The following MSI2 variants were observed in gnomAD, a reference collection of about 807,000 sequenced individuals.
The protein encoded by MSI2 is RNA-binding protein Musashi homolog 2.
Under a neutral mutation model 45.6 loss-of-function variants are expected in MSI2, and 17 were observed. The ratio of observed to expected loss-of-function variants is 0.37; its 90% CI spans 0.26 to 0.56. The LOEUF is 0.56. Among genes scored for constraint, MSI2 ranks in the 20% least tolerant of loss-of-function variants. The pLI is 0.77. For synonymous variants in MSI2, 156 were observed against 158.2 expected (o/e 0.99, Z 0.11); for missense variants, 293 against 444.2 (o/e 0.66, Z 3.06).
At chr17:57,427,001 C>G (rs1230750102) in intron 6 of MSI2, among the ~76,000 whole-genome samples, 1 of 152,234 alleles carries the variant, frequency 6.6e-6, no homozygotes, top group Non-Finnish European at 1.5e-5. Context: ...CACTTCTTCA[C>G]CAGGCTGAAG....
intron 8 of MSI2, among the ~76,000 whole-genome samples, chr17:57,606,086 A>C (rs1906541424): frequency 6.6e-6 from 1 of 152,196 alleles, no homozygotes; most frequent in Non-Finnish European, 1.5e-5. Context: ...GATGGGACCT[A>C]CCTGGCCGAC....
intron 5 of MSI2, among the ~76,000 whole-genome samples, chr17:57,399,845 A>G (rs773981263): frequency 1.3e-5 from 2 of 152,222 alleles, no homozygotes; most frequent in Non-Finnish European, 1.5e-5. Context: ...AGTTAGACCC[A>G]GGAGCTGGAT....
chr17:57,398,112 G>A (rs117218142), intron 5 of MSI2, among the ~76,000 whole-genome samples: 4,333 of 152,308 alleles, frequency 0.028, 94 homozygotes, highest in Non-Finnish European at 0.041. Context: ...GGCAACGGTG[G>A]AGGGTGTATG....
At chr17:57,690,471 T>C in the MSI2 span, among the ~76,000 whole-genome samples, 2 of 151,266 alleles carry the variant, frequency 1.3e-5, no homozygotes, top group African/African-American at 4.9e-5. Context: ...ATACAAAAAT[T>C]AGCTGGTCAT....
chr17:57,560,929 G>A (rs2087559798), intron 7 of MSI2, among the ~76,000 whole-genome samples: 1 of 152,154 alleles, frequency 6.6e-6, no homozygotes, highest in Non-Finnish European at 1.5e-5. Context: ...AGTGGAACTG[G>A]GGCAGGAATA....
chr17:57,655,445 G>A (rs1320125314), intron 11 of MSI2, among the ~76,000 whole-genome samples: 1 of 152,174 alleles, frequency 6.6e-6, no homozygotes, highest in Non-Finnish European at 1.5e-5. Flanking sequence ...TTATGGGTGG[G>A]TCCGTGTATC....
intron 6 of MSI2, among the ~76,000 whole-genome samples, chr17:57,447,226 A>G (rs1483416136): frequency 1.3e-5 from 2 of 152,098 alleles, no homozygotes; most frequent in Non-Finnish European, 2.9e-5. Context: ...AGCTAGGGCT[A>G]TAGGTGTGTG....
At chr17:57,257,750 G>A (rs1324980541) in intron 3 of MSI2, among the ~76,000 whole-genome samples, 1 of 135,404 alleles carries the variant, frequency 7.4e-6, no homozygotes, top group Non-Finnish European at 1.5e-5. Flanking sequence ...TGGATACAGA[G>A]ATACCCATCT....
chr17:57,466,772 C>T (rs1471332728), intron 6 of MSI2, among the ~76,000 whole-genome samples: 2 of 100,652 alleles, frequency 2.0e-5, no homozygotes, highest in Admixed American at 2.4e-4. Context: ...TACTCTCATC[C>T]CCTCTTTTCT....
chr17:57,616,586 G>A (rs982424193), intron 9 of MSI2: 5 of 150,572 alleles, frequency 3.3e-5, no homozygotes, highest in Admixed American at 1.3e-4. Flanking sequence ...ATCAAAATTT[G>A]CATTTAAATG....
Position 57,456,916 on chromosome 17 carries a change from C to T in MSI2, c.405+55445C>T, listed in dbSNP as rs533639876. Reference sequence around the variant, plus strand: ...TTGGGAGCAAGGCGTATTTTCCCACCCAATCTCCATGCACCCGGGTCCTGT... The same window carrying T: ...TTGGGAGCAAGGCGTATTTTCCCACTCAATCTCCATGCACCCGGGTCCTGT... On this transcript the variant is annotated intron_variant, in intron 6 of 13. Transcript: ENST00000284073. Among the ~76,000 whole-genome samples the T allele has an allele frequency of 6.6e-5, 10 of 152,286 alleles. No individual in the cohort carries two copies. In the South Asian group the frequency reaches 2.1e-3, roughly 32 times the overall value.
chr17:57,475,016 G>A (rs1215466000), intron 6 of MSI2, among the ~76,000 whole-genome samples: 1 of 152,114 alleles, frequency 6.6e-6, no homozygotes, highest in African/African-American at 2.4e-5. Flanking sequence ...GCCACCGCAC[G>A]CACCCAGCCT....
At chr17:57,587,075 C>G (rs1904351585) in intron 7 of MSI2, among the ~76,000 whole-genome samples, 1 of 152,148 alleles carries the variant, frequency 6.6e-6, no homozygotes, top group African/African-American at 2.4e-5. Context: ...TAGGAGCTGG[C>G]AGAGCCCAGG....
intron 7 of MSI2, among the ~76,000 whole-genome samples, chr17:57,580,630 A>G (rs2088175035): frequency 6.6e-6 from 1 of 152,212 alleles, no homozygotes. Flanking sequence ...GGCTGGGAAA[A>G]GAGAAGACAT....
intron 6 of MSI2, among the ~76,000 whole-genome samples, chr17:57,444,915 C>G (rs2084868484): frequency 6.6e-6 from 1 of 152,160 alleles, no homozygotes; most frequent in African/African-American, 2.4e-5. Context: ...GTGCTGATGG[C>G]CCTTTCAGCA....
At chr17:57,313,098 G>C (rs532662205) in intron 5 of MSI2, among the ~76,000 whole-genome samples, 1 of 152,296 alleles carries the variant, frequency 6.6e-6, no homozygotes, top group South Asian at 2.1e-4. Context: ...ACCAGCCTCA[G>C]CCTCCCAAAG....
intron 6 of MSI2, among the ~76,000 whole-genome samples, chr17:57,464,907 G>A (rs1291055569): frequency 6.6e-6 from 1 of 152,192 alleles, no homozygotes; most frequent in Non-Finnish European, 1.5e-5. Flanking sequence ...GTGCCCACCT[G>A]GCATGAGATA....
intron 1 of MSI2, 93 bp downstream of exon 1, chr17:57,256,897 G>A (rs867028517): frequency 2.5e-6 from 2 of 790,032 alleles, no homozygotes; most frequent in South Asian, 3.1e-5. Flanking sequence ...CATCTCCCGC[G>A]CCCCCCCGCC....
chr17:57,390,342 TATTAGA>T (rs1308576856), intron 5 of MSI2, among the ~76,000 whole-genome samples: 1 of 152,156 alleles, frequency 6.6e-6, no homozygotes, highest in Non-Finnish European at 1.5e-5. Flanking sequence ...CCTGGCTGCA[TATTAGA>T]ATGTTCTGGG....
Sources: gnomAD v4.1 joint callset for allele counts (sites outside exome capture counted in the v4.1 genomes callset) on GRCh38, gnomAD v4.1.1 for gene constraint, MANE v1.5 for transcripts, NCBI Gene and HGNC (gene_info 2026-07-23, HGNC 2026-07-21) for gene names.